The following GRXCR2 variants were observed in gnomAD, a reference collection of about 807,000 sequenced individuals.
The protein encoded by GRXCR2 is glutaredoxin domain-containing cysteine-rich protein 2.
GRXCR2 carries 23 observed loss-of-function variants against 24.8 expected under a neutral mutation model. That is an observed-to-expected ratio of 0.93 (90% CI 0.67 to 1.32). GRXCR2 has a LOEUF of 1.32. GRXCR2 is among the 40% of genes most tolerant of loss of function. The pLI, the probability that GRXCR2 is intolerant of heterozygous loss-of-function variation, is 0.00. For missense variants in GRXCR2, 315 were observed against 303.4 expected, an observed-to-expected ratio of 1.04 and a Z score of -0.28; for synonymous variants, 130 against 116.1, an observed-to-expected ratio of 1.12 and a Z score of -0.77.
chr5:145,862,162 C>T (rs1299363982), intron 2 of GRXCR2, among the ~76,000 whole-genome samples: 1 of 152,194 alleles, frequency 6.6e-6, no homozygotes, highest in East Asian at 1.9e-4. Context: ...CATAAGTCCA[C>T]ACTGTGAGGG....
intron 2 of GRXCR2, among the ~76,000 whole-genome samples, chr5:145,912,777 G>A (rs1361273409): frequency 6.6e-6 from 1 of 152,076 alleles, no homozygotes; most frequent in Non-Finnish European, 1.5e-5. Context: ...CTGTAGGAAG[G>A]CCAGTGTGAC....
intron 2 of GRXCR2, among the ~76,000 whole-genome samples, chr5:145,893,090 T>C (rs1756895015): frequency 1.3e-5 from 2 of 152,114 alleles, no homozygotes; most frequent in Non-Finnish European, 2.9e-5. Flanking sequence ...GCTGAGAGAT[T>C]TTGTCACCAC....
At chr5:145,910,298 C>G (rs1039336105) in intron 2 of GRXCR2, among the ~76,000 whole-genome samples, 15 of 152,136 alleles carry the variant, frequency 9.9e-5, no homozygotes, top group Non-Finnish European at 1.9e-4. Context: ...TGCCACCTCT[C>G]ATTGGAAGCT....
At chr5:145,864,077 G>T (rs1011258374) in intron 2 of GRXCR2, among the ~76,000 whole-genome samples, 10 of 152,246 alleles carry the variant, frequency 6.6e-5, no homozygotes, top group South Asian at 2.1e-4. Context: ...CTGATGAGGG[G>T]TGTAAGGTGC....
intron 2 of GRXCR2, among the ~76,000 whole-genome samples, chr5:145,879,762 C>G (rs1404228080): frequency 6.6e-6 from 1 of 152,154 alleles, no homozygotes; most frequent in African/African-American, 2.4e-5. Flanking sequence ...CTTCTCAGCA[C>G]CACATTGCAC....
Position 145,872,938 on chromosome 5 carries a change from T to G in GRXCR2, c.31A>C (p.Lys11Gln). Reference protein sequence around the residue: MEDPEKKLNQKSDGKPRKVRF... With the variant: MEDPEKKLNQQSDGKPRKVRF... Reference sequence around the variant, plus strand: ...ACTTTCCGGGGTTTGCCATCACTCTTCTGATTCAGCTTTTTCTCAGGGTCC... The same window carrying G: ...ACTTTCCGGGGTTTGCCATCACTCTGCTGATTCAGCTTTTTCTCAGGGTCC... The change falls in exon 1 of 3, where the codon AAG (lysine) becomes CAG (glutamine). Residue 11 changes from lysine (K) to glutamine (Q), a missense_variant. By Grantham distance (53) the Lys-to-Gln change is moderately conservative. Transcript: ENST00000377976. The G allele has an allele frequency of 1.9e-6, 3 of 1,614,094 alleles. No individual in the cohort carries two copies. In the South Asian group the frequency reaches 3.3e-5, roughly 18 times the overall value.
chr5:145,873,605 G>A (rs1446653352), upstream of GRXCR2, among the ~76,000 whole-genome samples: 1 of 152,152 alleles, frequency 6.6e-6, no homozygotes, highest in Non-Finnish European at 1.5e-5. Context: ...ACAACCAGAA[G>A]TTTTCCAGTT....
intron 2 of GRXCR2, among the ~76,000 whole-genome samples, chr5:145,897,300 A>C (rs955543753): frequency 1.3e-5 from 2 of 151,562 alleles, no homozygotes; most frequent in Non-Finnish European, 1.5e-5. Context: ...CGTTGTGCAC[A>C]TATACCCTAA....
chr5:145,889,176 G>A (rs139721473), intron 2 of GRXCR2, among the ~76,000 whole-genome samples: 3,236 of 73,368 alleles, frequency 0.044, 156 homozygotes, highest in African/African-American at 0.14. Flanking sequence ...CTCAAAAAAA[G>A]AAAGAAAGAA....
chr5:145,864,755 T>G (rs1207671301), intron 2 of GRXCR2, among the ~76,000 whole-genome samples: 1 of 152,160 alleles, frequency 6.6e-6, no homozygotes, highest in Non-Finnish European at 1.5e-5. Context: ...CTCCTTTGTT[T>G]ATGTATTACT....
chr5:145,896,549 T>C (rs62393673), intron 2 of GRXCR2, among the ~76,000 whole-genome samples: 5,446 of 152,236 alleles, frequency 0.036, 133 homozygotes, highest in Middle Eastern at 0.058. Context: ...TCATCACTGG[T>C]CATCAGAGAA....
chr5:145,868,460 G>A (rs909711693), intron 1 of GRXCR2, among the ~76,000 whole-genome samples: 6 of 152,082 alleles, frequency 3.9e-5, no homozygotes, highest in African/African-American at 7.2e-5. Context: ...TATCTGGCCC[G>A]ATTTTCTCTC....
At chr5:145,911,290 T>C (rs962953006) in intron 2 of GRXCR2, among the ~76,000 whole-genome samples, 1 of 152,172 alleles carries the variant, frequency 6.6e-6, no homozygotes, top group Non-Finnish European at 1.5e-5. Context: ...AGAGGACTGG[T>C]GCTTAGTCGG....
chr5:145,925,965 C>CA (rs369006600), intron 2 of GRXCR2, among the ~76,000 whole-genome samples: 158 of 145,924 alleles, frequency 1.1e-3, no homozygotes, highest in African/African-American at 1.7e-3. Context: ...ACTTGTGTGA[C>CA]AAAAAAAAAA....
intron 2 of GRXCR2, among the ~76,000 whole-genome samples, chr5:145,886,702 T>C (rs1398160947): frequency 1.3e-5 from 2 of 152,148 alleles, no homozygotes; most frequent in Admixed American, 6.5e-5. Context: ...AATAATATTA[T>C]AATGTAAGCC....
chr5:145,895,295 C>A (rs1285168205), intron 2 of GRXCR2, among the ~76,000 whole-genome samples: 1 of 151,812 alleles, frequency 6.6e-6, no homozygotes, highest in Non-Finnish European at 1.5e-5. Context: ...GGCAATCAAG[C>A]AGGAGAAGGA....
At chr5:145,894,828 T>TA (rs1268382333) in intron 2 of GRXCR2, among the ~76,000 whole-genome samples, 11 of 151,118 alleles carry the variant, frequency 7.3e-5, no homozygotes, top group Admixed American at 2.0e-4. Flanking sequence ...GAGACCCAAT[T>TA]AAAAAAAAGA....
chr5:145,903,332 A>G (rs1757048437), intron 2 of GRXCR2, among the ~76,000 whole-genome samples: 1 of 152,192 alleles, frequency 6.6e-6, no homozygotes, highest in Non-Finnish European at 1.5e-5. Flanking sequence ...CAGGTAGTGC[A>G]GTCCCCAGTC....
intron 2 of GRXCR2, among the ~76,000 whole-genome samples, chr5:145,890,612 C>T (rs1756849573): frequency 6.6e-6 from 1 of 152,040 alleles, no homozygotes; most frequent in Non-Finnish European, 1.5e-5. Flanking sequence ...TATAAGAGAC[C>T]TTTAAGGGAG....
Sources: gnomAD v4.1 joint callset for allele counts (sites outside exome capture counted in the v4.1 genomes callset) on GRCh38, gnomAD v4.1.1 for gene constraint, MANE v1.5 for transcripts, NCBI Gene and HGNC (gene_info 2026-07-23, HGNC 2026-07-21) for gene names.